SOCS7: variants seen among roughly 807,000 people sequenced by gnomAD.
The protein encoded by SOCS7 is suppressor of cytokine signaling 7.
A neutral mutation model predicts 58.9 loss-of-function variants in SOCS7; 18 were observed. The ratio of observed to expected loss-of-function variants is 0.31; its 90% CI spans 0.21 to 0.45. The LOEUF is 0.45. Among genes scored for constraint, SOCS7 ranks in the 20% least tolerant of loss-of-function variants. The pLI is 1.00. For missense variants in SOCS7, 667 were observed against 837.3 expected, an observed-to-expected ratio of 0.80 and a Z score of 2.51; for synonymous variants, 388 against 364.3, an observed-to-expected ratio of 1.06 and a Z score of -0.74.
chr17:38,389,402 A>T (rs769154504), intron 7 of SOCS7, among the ~76,000 whole-genome samples: 15 of 152,168 alleles, frequency 9.9e-5, no homozygotes, highest in Non-Finnish European at 2.1e-4. Context: ...CAAAAAATTT[A>T]AAAATTAGCC....
chr17:38,359,835 G>A (rs913894448), intron 1 of SOCS7, among the ~76,000 whole-genome samples: 1 of 151,638 alleles, frequency 6.6e-6, no homozygotes, highest in African/African-American at 2.4e-5. Flanking sequence ...GGAATGCAGT[G>A]GCTCAATCAT....
Position 38,379,157 on chromosome 17 carries a change from CAAAAAAAAAAAACAAAAAAAAACA to C in SOCS7, c.1681+1331_1681+1354del, listed in dbSNP as rs2037968477. Among the ~76,000 whole-genome samples the C allele has an allele frequency of 1.1e-4, 5 of 47,488 alleles. No individual in the cohort carries two copies. In the Admixed American group the frequency reaches 1.2e-3, roughly 11 times the overall value. 31.2% of individuals were successfully genotyped at this position (47,488 alleles called of 152,430 possible). On this transcript the variant is annotated intron_variant, in intron 7 of 9. Transcript: ENST00000612932. ...TGGGTGACACAGCGAGACCCTGTCT[CAAAAAAAAAAAACAAAAAAAAACA>C]AAAAAAAAAAAACAAGGCAGGGGTT...
intron 7 of SOCS7, among the ~76,000 whole-genome samples, chr17:38,394,549 G>A (rs1258020407): frequency 6.6e-6 from 1 of 152,158 alleles, no homozygotes; most frequent in Non-Finnish European, 1.5e-5. Context: ...AATTTGGTGG[G>A]GACTCCTCTG....
At chr17:38,360,070 A>G (rs1374633182) in intron 1 of SOCS7, among the ~76,000 whole-genome samples, 1 of 151,772 alleles carries the variant, frequency 6.6e-6, no homozygotes, top group Non-Finnish European at 1.5e-5. Flanking sequence ...GAGCCATCGC[A>G]CCGGGCCTGA....
At chr17:38,358,647 C>T (rs1555567164) in intron 1 of SOCS7, among the ~76,000 whole-genome samples, 1 of 151,664 alleles carries the variant, frequency 6.6e-6, no homozygotes, top group East Asian at 1.9e-4. Flanking sequence ...AGAATGCTCT[C>T]AGGATCCTTG....
Position 38,400,012 on chromosome 17 carries a change from A to T in SOCS7, c.*530A>T, listed in dbSNP as rs2038298274. Reference sequence around the variant, plus strand: ...GACTGGGAGTTCCTGAGGAAGGGGGAATCTGCCTCTTGTTGCCATGGGCAG... The same window carrying T: ...GACTGGGAGTTCCTGAGGAAGGGGGTATCTGCCTCTTGTTGCCATGGGCAG... On this transcript the variant is annotated 3_prime_UTR_variant, in exon 10 of 10. Coordinates refer to ENST00000612932, the MANE Select transcript of SOCS7 (RefSeq NM_014598.4). 6.6e-6 allele frequency: 1 copy of T among 151,956 alleles called. No homozygotes were observed. The highest frequency in any genetic ancestry group is 1.5e-5 in the Non-Finnish European group (1 of 68,030). The allele number at this position is 151,956 out of a possible 1,614,324, so 9.4% of individuals were successfully genotyped here.
In SOCS7 at chr17:38,351,881, C is replaced by T. The variant is rs999791082; in HGVS notation, c.-172C>T. Among the ~76,000 whole-genome samples the T allele has an allele frequency of 1.4e-5, 2 of 147,046 alleles. No individual in the cohort carries two copies. The highest frequency in any genetic ancestry group is 5.2e-5 in the African/African-American group (2 of 38,122). ...GTGCTCGGCGGTGGCGGAGCGCGGCCTGGGCTCGCGCTGGGCTCCGCGCGC... is the reference window on the plus strand; with the variant it reads ...GTGCTCGGCGGTGGCGGAGCGCGGCTTGGGCTCGCGCTGGGCTCCGCGCGC... On this transcript the variant is annotated 5_prime_UTR_variant, in exon 1 of 10. Coordinates refer to ENST00000612932, the MANE Select transcript of SOCS7 (RefSeq NM_014598.4).
intron 6 of SOCS7, among the ~76,000 whole-genome samples, chr17:38,370,275 C>T (rs915929730): frequency 1.1e-4 from 17 of 150,736 alleles, no homozygotes; most frequent in South Asian, 4.2e-4. Flanking sequence ...TGGGATGACA[C>T]GCGTGAGCCA....
chr17:38,365,914 T>G (rs1025337975), intron 4 of SOCS7: 1 of 927,962 alleles, frequency 1.1e-6, no homozygotes, highest in South Asian at 4.8e-5. Flanking sequence ...TCATTACTCT[T>G]CCTGGGCAAG....
intron 6 of SOCS7, among the ~76,000 whole-genome samples, chr17:38,373,287 A>G (rs1175452594): frequency 6.6e-6 from 1 of 152,220 alleles, no homozygotes; most frequent in Non-Finnish European, 1.5e-5. Flanking sequence ...AAATGTCAAG[A>G]TAACAGAAGA....
intron 7 of SOCS7, among the ~76,000 whole-genome samples, chr17:38,389,908 G>GTACATATATATATAGATAT (rs2038146914): frequency 1.5e-4 from 1 of 6,780 alleles, no homozygotes; most frequent in African/African-American, 4.4e-4. Flanking sequence ...TACACATATA[G>GTACATATATATATAGATAT]AGAGAGAGAG....
intron 7 of SOCS7, among the ~76,000 whole-genome samples, chr17:38,392,042 G>T (rs1422578573): frequency 6.6e-6 from 1 of 152,176 alleles, no homozygotes; most frequent in Non-Finnish European, 1.5e-5. Context: ...GACGATTAAT[G>T]TTCGACTTCA....
intron 9 of SOCS7, among the ~76,000 whole-genome samples, chr17:38,398,716 C>G (rs1311026109): frequency 6.6e-6 from 1 of 152,150 alleles, no homozygotes; most frequent in African/African-American, 2.4e-5. Flanking sequence ...AGAACAGTGC[C>G]TGTCTCAAGT....
chr17:38,352,692 C>T lies in SOCS7; in HGVS notation c.640C>T (p.Leu214Phe). The change falls in exon 1 of 10, where the codon CTT becomes TTT. Residue 214 changes from leucine to phenylalanine, a missense_variant. Physicochemically the swap from Leu to Phe is conservative, Grantham distance 22. Around this residue, in one of 9 missense-constraint regions of SOCS7, gnomAD observed 208 missense variants for 190.3 expected, o/e 1.09. Coordinates refer to ENST00000612932, the MANE Select transcript of SOCS7 (RefSeq NM_014598.4). The surrounding 1 kb of genome is among the most constrained non-coding windows in gnomAD (Gnocchi z 5.5). ...TCGCGGAGGAGGAGGGGGCGGCCGG[C>T]TTCTGCTGCAGCCCCCAGGCCCTGA... is the stretch of plus-strand genomic sequence containing the variant. ...PGRGGGGGGR[L>F]LLQPPGPELP... 2 of 1,549,918 alleles carry T rather than the reference C, an allele frequency of 1.3e-6. No individual in the cohort carries two copies. Among genetic ancestry groups the T allele is most frequent in the African/African-American group, 1.4e-5 (1 of 73,186 alleles).
chr17:38,374,692 T>C (rs889147494), intron 6 of SOCS7, among the ~76,000 whole-genome samples: 1 of 152,140 alleles, frequency 6.6e-6, no homozygotes, highest in Non-Finnish European at 1.5e-5. Flanking sequence ...CTTAGAGAAA[T>C]TCAAGAACTC....
At chr17:38,387,634 G>T in intron 7 of SOCS7, among the ~76,000 whole-genome samples, 1 of 79,006 alleles carries the variant, frequency 1.3e-5, no homozygotes, top group Non-Finnish European at 2.2e-5. Context: ...ACAATATATT[G>T]TATATTATAT....
rs2038343801 is a variant in SOCS7, at chr17:38,403,101, A to G, written c.*3619A>G. The G allele has an allele frequency of 6.6e-6, 1 of 152,090 alleles. No homozygotes were observed. The highest frequency in any genetic ancestry group is 1.5e-5 in the Non-Finnish European group (1 of 68,030). 9.4% of individuals were successfully genotyped at this position (152,090 alleles called of 1,614,324 possible). ...ACCTGCCTGTGCCTAGGCCAAGTGA[A>G]TGTTACATCTTGGAACCTGAGCCAT... On this transcript the variant is annotated 3_prime_UTR_variant, in exon 10 of 10. Transcript: ENST00000612932.
At chr17:38,394,077 C>G (rs192301643) in intron 7 of SOCS7, among the ~76,000 whole-genome samples, 1 of 152,190 alleles carries the variant, frequency 6.6e-6, no homozygotes, top group Non-Finnish European at 1.5e-5. Context: ...CTTCCATAGC[C>G]CCTTTGTTTA....
rs150226810 is a variant in SOCS7, at chr17:38,389,715, T to A, written c.1682-5594T>A. Among the ~76,000 whole-genome samples the A allele has an allele frequency of 3.3e-3, 488 of 147,528 alleles. 1 individual carries two copies. The highest frequency in any genetic ancestry group is 0.012 in the African/African-American group (466 of 40,174). On this transcript the variant is annotated intron_variant, in intron 7 of 9. Coordinates refer to ENST00000612932, the MANE Select transcript of SOCS7 (RefSeq NM_014598.4). ...CTTTTTTTTTTTTTTTTGCTTGTTA[T>A]ATTTAGAAAAGTTTGCCTAACCAAA...
Sources: gnomAD v4.1 joint callset for allele counts (sites outside exome capture counted in the v4.1 genomes callset) on GRCh38, gnomAD v4.1.1 for gene constraint, gnomAD v4.1.1 regional missense constraint, Gnocchi (gnomAD v3.1) non-coding constraint, MANE v1.5 for transcripts, NCBI Gene and HGNC (gene_info 2026-07-23, HGNC 2026-07-21) for gene names.